The following MGA variants were observed in gnomAD, a reference collection of about 807,000 sequenced individuals.
MGA encodes the protein MAX dimerization protein MGA.
Under a neutral mutation model 261.1 loss-of-function variants are expected in MGA, and 40 were observed. The observed-to-expected ratio is 0.15, with a 90% CI of 0.12 to 0.20. The LOEUF (loss-of-function observed/expected upper bound fraction) is 0.20. Among genes scored for constraint, MGA ranks in the 10% least tolerant of loss-of-function variants. MGA has a pLI of 1.00. For missense variants in MGA, 3,397 were observed against 3,630.5 expected, an observed-to-expected ratio of 0.94 and a Z score of 1.65; for synonymous variants, 1,302 against 1,290.6, an observed-to-expected ratio of 1.01 and a Z score of -0.19.
At chr15:41,689,435 C>T (rs1254560760) in intron 2 of MGA, among the ~76,000 whole-genome samples, 2 of 151,288 alleles carry the variant, frequency 1.3e-5, no homozygotes, top group African/African-American at 4.9e-5. Context: ...CTCTCCTTCT[C>T]TCCTTAAAAA....
chr15:41,761,976 TTGAC>T lies in MGA; in HGVS notation c.7510+129_7510+132del, dbSNP rs2063484550. On this transcript the variant is annotated intron_variant, in intron 21 of 23. Transcript: ENST00000219905. ...CCACAGTTTACAGCACAGTTATCCT[TTGAC>T]TGGGTGGTGGGTTGTTTCTTGTGAA... 5.0e-6 allele frequency: 5 copies of T among 998,594 alleles called. No homozygotes were observed. The East Asian group carries it at 1.3e-4, about 26-fold the overall frequency. The allele number at this position is 998,594 out of a possible 1,614,324, so 61.9% of individuals were successfully genotyped here.
At chr15:41,621,391 A>ACTACCCTC (rs1222138557) in intron 1 of MGA, 1 of 152,198 alleles carries the variant, frequency 6.6e-6, no homozygotes, top group Non-Finnish European at 1.5e-5. Flanking sequence ...TGGCCCTCTA[A>ACTACCCTC]CTACCCTCCC....
intron 14 of MGA, among the ~76,000 whole-genome samples, chr15:41,741,097 C>T (rs894229657): frequency 6.6e-6 from 1 of 152,064 alleles, no homozygotes; most frequent in Non-Finnish European, 1.5e-5. Context: ...TCCTGTAATT[C>T]CAGCACTTTG....
chr15:41,624,677 C>T (rs2056402254), intron 1 of MGA, among the ~76,000 whole-genome samples: 1 of 152,126 alleles, frequency 6.6e-6, no homozygotes, highest in Non-Finnish European at 1.5e-5. Flanking sequence ...ACCATGTTGG[C>T]CAGGCTGGTC....
chr15:41,656,563 T>C (rs1211607455), upstream of MGA, among the ~76,000 whole-genome samples: 1 of 151,788 alleles, frequency 6.6e-6, no homozygotes, highest in African/African-American at 2.4e-5. Context: ...TCTTGCCATG[T>C]TGCCCAGGCT....
intron 7 of MGA, among the ~76,000 whole-genome samples, 164 bp downstream of exon 7, chr15:41,708,372 C>T (rs1452272835): frequency 6.6e-6 from 1 of 152,022 alleles, no homozygotes; most frequent in East Asian, 1.9e-4. Flanking sequence ...GGCTGGAGTG[C>T]GATGGTGTGA....
Position 41,738,507 on chromosome 15 carries a change from G to T in MGA, c.4435-1546G>T, listed in dbSNP as rs536618212. On this transcript the variant is annotated intron_variant, in intron 13 of 23. Transcript: ENST00000219905. ...TTCTGTTGATATTTCTTATACTCTT[G>T]ATGAGGAGAACAGTATTTTCTCTAC... Among the ~76,000 whole-genome samples the T allele has an allele frequency of 6.6e-5, 10 of 152,280 alleles. No homozygotes were observed. The East Asian group carries it at 1.3e-3, about 21-fold the overall frequency.
chr15:41,703,368 A>ACCCCCC (rs71108121), intron 5 of MGA, among the ~76,000 whole-genome samples: 19 of 93,288 alleles, frequency 2.0e-4, no homozygotes, highest in East Asian at 4.1e-4. Flanking sequence ...TTGTGAAGTT[A>ACCCCCC]CCCCCCCCCC....
At chr15:41,762,563 G>A (rs1238452263) in intron 22 of MGA, among the ~76,000 whole-genome samples, 1 of 135,980 alleles carries the variant, frequency 7.4e-6, no homozygotes, top group African/African-American at 2.8e-5. Context: ...CCACCTCCCA[G>A]GTTCAAGCGA....
chr15:41,710,569 G>A, intron 7 of MGA, 122 bp from the exon 8 acceptor site: 1 of 999,838 alleles, frequency 1.0e-6, no homozygotes, highest in Non-Finnish European at 1.4e-6. Context: ...GCCCAGCTAA[G>A]GGATAGTTTA....
chr15:41,635,847 C>T lies in MGA; in HGVS notation c.-68+14549C>T, dbSNP rs549274587. 6.6e-5 allele frequency among the ~76,000 whole-genome samples: 10 copies of T among 152,306 alleles called. No homozygotes were observed. The South Asian group carries it at 1.2e-3, about 19-fold the overall frequency. ...TTTCTGTTGCATAGTGATAGGGTAG[C>T]TGTTTTAACGTTGTGGCACAATGCA... On this transcript the variant is annotated intron_variant, in intron 1 of 8. Coordinates refer to the MGA transcript ENST00000566718.
Position 41,767,225 on chromosome 15 carries a change from C to T in MGA, c.9143C>T (p.Pro3048Leu), listed in dbSNP as rs1293926391. 1.9e-6 allele frequency: 3 copies of T among 1,613,910 alleles called. No homozygotes were observed. In the African/African-American group the frequency reaches 4.0e-5, roughly 22 times the overall value. ...AGCAAGGTGATGCCTACATTGGCACCTGTTGTGGCTAAATTGGGCAACTCG... is the reference window on the plus strand; with the variant it reads ...AGCAAGGTGATGCCTACATTGGCACTTGTTGTGGCTAAATTGGGCAACTCG... Residue 3048 changes from proline (P) to leucine (L), a missense_variant, in exon 24 of 24, where the codon CCT becomes CTT. This residue lies in a region of MGA where 647 missense variants were observed against 642.4 expected (regional missense o/e 1.01). Transcript: ENST00000219905.
intron 10 of MGA, 82 bp downstream of exon 10, chr15:41,727,488 A>G: frequency 2.3e-6 from 3 of 1,310,302 alleles, no homozygotes; most frequent in Non-Finnish European, 3.2e-6. Context: ...TTTTTGGTTG[A>G]TATTTTGTGA....
At chr15:41,697,080 A>C in intron 3 of MGA, 57 bp downstream of exon 3, 1 of 1,323,578 alleles carries the variant, frequency 7.6e-7, no homozygotes, top group Non-Finnish European at 1.0e-6. Flanking sequence ...TGAATTGTAT[A>C]CTGGCTTGTA....
chr15:41,634,728 C>T (rs943519977), intron 1 of MGA, among the ~76,000 whole-genome samples: 1 of 151,932 alleles, frequency 6.6e-6, no homozygotes, highest in Non-Finnish European at 1.5e-5. Context: ...ATGGTAAATG[C>T]ATATAATGTA....
At chr15:41,624,966 AC>A (rs2056410399) in intron 1 of MGA, among the ~76,000 whole-genome samples, 1 of 152,044 alleles carries the variant, frequency 6.6e-6, no homozygotes, top group East Asian at 1.9e-4. Flanking sequence ...ACAGAGTGAG[AC>A]CCCATCTGTA....
Position 41,711,016 on chromosome 15 carries a change from C to A in MGA, c.2751C>A (p.Ser917=), listed in dbSNP as rs979943851. 6.2e-7 allele frequency: 1 copy of A among 1,613,988 alleles called. No homozygotes were observed. Among genetic ancestry groups the A allele is most frequent in the Non-Finnish European group, 8.5e-7 (1 of 1,179,884 alleles). ...GCCGAACTAAATCATCTTATAAATCCATTTTACCATACCCTGTTTCACCAA... is the reference window on the plus strand; with the variant it reads ...GCCGAACTAAATCATCTTATAAATCAATTTTACCATACCCTGTTTCACCAA... Residue 917 remains serine (S), a synonymous_variant, in exon 8 of 24, where the codon TCC becomes TCA. Coordinates refer to ENST00000219905, the MANE Select transcript of MGA (RefSeq NM_001164273.2).
intron 5 of MGA, among the ~76,000 whole-genome samples, chr15:41,700,742 G>A (rs980090394): frequency 1.3e-5 from 2 of 151,956 alleles, no homozygotes; most frequent in Non-Finnish European, 2.9e-5. Context: ...AAAAATTTTA[G>A]GCTGTGCCCC....
intron 9 of MGA, among the ~76,000 whole-genome samples, chr15:41,722,366 T>A (rs189286077): frequency 3.0e-4 from 46 of 152,246 alleles, no homozygotes; most frequent in African/African-American, 1.1e-3. Flanking sequence ...GCTGACCTCG[T>A]GATCCGCCTG....
Sources: allele counts gnomAD v4.1 joint callset (sites outside exome capture counted in the v4.1 genomes callset), GRCh38; gene constraint gnomAD v4.1.1; regional missense constraint gnomAD v4.1.1; transcripts MANE v1.5; gene names NCBI Gene and HGNC (gene_info 2026-07-23, HGNC 2026-07-21).